The following PDK1 variants were observed in gnomAD, a reference collection of about 807,000 sequenced individuals.
PDK1 encodes pyruvate dehydrogenase kinase 1.
Under a neutral mutation model 54.2 loss-of-function variants are expected in PDK1, and 39 were observed. The observed-to-expected ratio is 0.72, with a 90% CI of 0.56 to 0.94. The LOEUF (loss-of-function observed/expected upper bound fraction) is 0.94, where lower values mean the gene tolerates loss of function less well. PDK1 is among the 40% of genes least tolerant of loss of function. The pLI is 0.00. For synonymous variants in PDK1, 221 were observed against 207.1 expected, an observed-to-expected ratio of 1.07 and a Z score of -0.58; for missense variants, 552 against 566.0, an observed-to-expected ratio of 0.98 and a Z score of 0.25.
chr2:172,561,053 A>C (rs1013326606), intron 2 of PDK1, among the ~76,000 whole-genome samples: 7 of 152,276 alleles, frequency 4.6e-5, no homozygotes, highest in African/African-American at 1.7e-4. Flanking sequence ...GATGCTATCT[A>C]GTCCAAGTAT....
chr2:172,598,910 A>AGG lies in PDK1; in HGVS notation c.*2945_*2946dup, dbSNP rs1241309733. 1 of 152,140 alleles carries AGG rather than the reference A, an allele frequency of 6.6e-6. No individual in the cohort carries two copies. Among genetic ancestry groups the AGG allele is most frequent in the East Asian group, 1.9e-4 (1 of 5,186 alleles). 9.4% of individuals were successfully genotyped at this position (152,140 alleles called of 1,614,324 possible). On this transcript the variant is annotated 3_prime_UTR_variant, in exon 11 of 11. Coordinates refer to ENST00000282077, the MANE Select transcript of PDK1 (RefSeq NM_002610.5). Reference sequence around the variant, plus strand: ...GTAAGCATCCAAAAAATTGGTAATTAGGGGGCTTGCACTAAATTTCACTAT... The same window carrying AGG: ...GTAAGCATCCAAAAAATTGGTAATTAGGGGGGGCTTGCACTAAATTTCACTAT...
At chr2:172,614,864 G>C in the PDK1 span, among the ~76,000 whole-genome samples, 251 of 152,184 alleles carry the variant, frequency 1.6e-3, no homozygotes, top group African/African-American at 5.8e-3. Flanking sequence ...AACACAAAAA[G>C]ATTTCATAAA....
intron 8 of PDK1, among the ~76,000 whole-genome samples, chr2:172,577,698 C>A (rs1437407602): frequency 6.6e-6 from 1 of 152,064 alleles, no homozygotes; most frequent in African/African-American, 2.4e-5. Context: ...TATACACTGA[C>A]TTTTCTCCTA....
the PDK1 span, among the ~76,000 whole-genome samples, chr2:172,675,939 T>C: frequency 2.0e-5 from 3 of 152,120 alleles, no homozygotes; most frequent in Non-Finnish European, 4.4e-5. Flanking sequence ...AAGGCTCACA[T>C]ATTATTCTGA....
chr2:172,627,951 G>T, the PDK1 span, among the ~76,000 whole-genome samples: 1 of 152,170 alleles, frequency 6.6e-6, no homozygotes, highest in Admixed American at 6.5e-5. Context: ...CCCGCGGGGC[G>T]TGGAGAAAGT....
chr2:172,622,428 G>A, the PDK1 span, among the ~76,000 whole-genome samples: 1 of 144,712 alleles, frequency 6.9e-6, no homozygotes, highest in Non-Finnish European at 1.5e-5. Context: ...TATCATGTGA[G>A]ATATGTTTAT....
intron 8 of PDK1, among the ~76,000 whole-genome samples, chr2:172,574,184 C>T (rs1450097397): frequency 6.6e-6 from 1 of 152,170 alleles, no homozygotes; most frequent in East Asian, 1.9e-4. Context: ...TTGTGAAAAA[C>T]CTATTCTTTC....
chr2:172,613,354 C>G (rs1487403640), downstream of PDK1, among the ~76,000 whole-genome samples: 1 of 152,220 alleles, frequency 6.6e-6, no homozygotes, highest in Non-Finnish European at 1.5e-5. Flanking sequence ...ACTGTACATT[C>G]TTTCTTGAGG....
intron 8 of PDK1, among the ~76,000 whole-genome samples, chr2:172,573,523 A>G (rs1338472825): frequency 6.6e-6 from 1 of 151,514 alleles, no homozygotes; most frequent in Non-Finnish European, 1.5e-5. Flanking sequence ...ATACACACAC[A>G]TACATATACA....
At chr2:172,708,864 G>A in the PDK1 span, among the ~76,000 whole-genome samples, 1 of 152,210 alleles carries the variant, frequency 6.6e-6, no homozygotes, top group East Asian at 1.9e-4. Context: ...CCCATCGCAT[G>A]AGGTCAGGTA....
In PDK1 at chr2:172,596,098, G is replaced by A; in HGVS notation, c.*129G>A. 1 of 781,430 alleles carries A rather than the reference G, an allele frequency of 1.3e-6. No homozygotes were observed. Among genetic ancestry groups the A allele is most frequent in the Admixed American group, 3.0e-5 (1 of 33,818 alleles). 48.4% of individuals were successfully genotyped at this position (781,430 alleles called of 1,614,324 possible). A position where few individuals can be genotyped will look rare whatever the true frequency, so the allele number is the denominator to read the frequency against. Reference sequence around the variant, plus strand: ...ACAAAACTATTTGAGTAGAATAAATGGAAACTGAATTCCATTTGTGCCCGT... The same window carrying A: ...ACAAAACTATTTGAGTAGAATAAATAGAAACTGAATTCCATTTGTGCCCGT... On this transcript the variant is annotated 3_prime_UTR_variant, in exon 11 of 11. Transcript: ENST00000282077.
chr2:172,568,790 C>T lies in PDK1; in HGVS notation c.819C>T (p.Leu273=). 1 of 1,606,616 alleles carries T rather than the reference C, an allele frequency of 6.2e-7. No individual in the cohort carries two copies. The highest frequency in any genetic ancestry group is 8.5e-7 in the Non-Finnish European group (1 of 1,173,130). Reference sequence around the variant, plus strand: ...AAGTGGTTTATGTACCATCCCATCTCTATCACATGGTGTTTGAACTTTTCA... The same window carrying T: ...AAGTGGTTTATGTACCATCCCATCTTTATCACATGGTGTTTGAACTTTTCA... ...PIQVVYVPSH[L]YHMVFELFKN... is the part of the protein sequence containing the mutation. The change falls in exon 7 of 11, where the codon CTC becomes CTT. Residue 273 remains leucine (L), a synonymous_variant. Coordinates refer to ENST00000282077, the MANE Select transcript of PDK1 (RefSeq NM_002610.5).
chr2:172,640,283 C>T, the PDK1 span, among the ~76,000 whole-genome samples: 1 of 152,144 alleles, frequency 6.6e-6, no homozygotes, highest in Non-Finnish European at 1.5e-5. Context: ...GAAATTGAGA[C>T]TCACTGGAGA....
the PDK1 span, among the ~76,000 whole-genome samples, chr2:172,717,777 C>T: frequency 4.6e-5 from 7 of 152,286 alleles, no homozygotes; most frequent in East Asian, 1.3e-3. Context: ...GGTGTTTCCA[C>T]TCTCCTCCTA....
At chr2:172,713,804 G>T in the PDK1 span, among the ~76,000 whole-genome samples, 2 of 152,204 alleles carry the variant, frequency 1.3e-5, no homozygotes, top group Non-Finnish European at 2.9e-5. Flanking sequence ...AACTGGGAAG[G>T]GGGTGTGGAT....
the PDK1 span, among the ~76,000 whole-genome samples, chr2:172,655,218 C>T: frequency 6.6e-6 from 1 of 152,170 alleles, no homozygotes; most frequent in Non-Finnish European, 1.5e-5. Context: ...TGGATGAGGC[C>T]CATGGGCTCT....
chr2:172,593,137 A>G (rs1690696974), intron 10 of PDK1, 89 bp downstream of exon 10: 1 of 663,032 alleles, frequency 1.5e-6, no homozygotes, highest in South Asian at 1.8e-5. Context: ...TAACTCTACC[A>G]CATGCTGTTT....
chr2:172,564,245 T>G (rs1688815495), intron 3 of PDK1: 1 of 519,466 alleles, frequency 1.9e-6, no homozygotes, highest in South Asian at 2.1e-5. Flanking sequence ...TTGGATTACG[T>G]TTTGTGGCAG....
chr2:172,677,590 G>A, the PDK1 span: 2 of 152,124 alleles, frequency 1.3e-5, no homozygotes, highest in Non-Finnish European at 1.5e-5. Context: ...AGGCTGTTAA[G>A]GGAAAATAAC....
Sources: allele counts gnomAD v4.1 joint callset (sites outside exome capture counted in the v4.1 genomes callset), GRCh38; gene constraint gnomAD v4.1.1; transcripts MANE v1.5; gene names NCBI Gene and HGNC (gene_info 2026-07-23, HGNC 2026-07-21).